Variants in FAM107B observed in about 807,000 individuals in gnomAD.
FAM107B encodes the protein protein FAM107B.
In FAM107B, 21 loss-of-function variants were observed where a neutral mutation model predicts 31.5. The ratio of observed to expected loss-of-function variants is 0.67; its 90% CI spans 0.47 to 0.96. The LOEUF (loss-of-function observed/expected upper bound fraction) is 0.96, where lower values mean the gene tolerates loss of function less well. FAM107B is among the 40% of genes least tolerant of loss of function. FAM107B has a pLI of 0.00. For missense variants in FAM107B, 452 were observed against 377.1 expected (o/e 1.20, Z -1.64); for synonymous variants, 157 against 141.5 (o/e 1.11, Z -0.78).
chr10:14,733,006 A>C (rs1856210654), intron 1 of FAM107B, among the ~76,000 whole-genome samples: 1 of 146,894 alleles, frequency 6.8e-6, no homozygotes, highest in African/African-American at 2.5e-5. Context: ...AATTCTATAG[A>C]ATACACTATA....
chr10:14,690,023 A>AAGGAAGAG (rs1422589399), intron 1 of FAM107B, among the ~76,000 whole-genome samples: 3 of 68,000 alleles, frequency 4.4e-5, no homozygotes, highest in African/African-American at 1.5e-4. Flanking sequence ...GGAAGGAAGG[A>AAGGAAGAG]AGGGAGGGAG....
At chr10:14,682,113 G>A (rs1441232920) in intron 1 of FAM107B, among the ~76,000 whole-genome samples, 2 of 152,132 alleles carry the variant, frequency 1.3e-5, no homozygotes, top group Non-Finnish European at 2.9e-5. Flanking sequence ...CCTCTTTCTG[G>A]AGCACTTGTT....
chr10:14,658,070 C>A (rs960471461), intron 2 of FAM107B, among the ~76,000 whole-genome samples: 3 of 152,184 alleles, frequency 2.0e-5, no homozygotes, highest in Admixed American at 6.5e-5. Context: ...CTTCGGCCCC[C>A]CAAAGTGCTG....
At chr10:14,633,369 T>C (rs1853417361) in intron 2 of FAM107B, among the ~76,000 whole-genome samples, 3 of 152,170 alleles carry the variant, frequency 2.0e-5, no homozygotes, top group African/African-American at 7.2e-5. Context: ...CTCCTGGTTT[T>C]CAAATACCAC....
intron 2 of FAM107B, among the ~76,000 whole-genome samples, chr10:14,542,109 A>ATAC (rs779740876): frequency 6.6e-6 from 1 of 151,590 alleles, no homozygotes; most frequent in Non-Finnish European, 1.5e-5. Flanking sequence ...AATAATAATA[A>ATAC]TAATACAAAA....
intron 1 of FAM107B, among the ~76,000 whole-genome samples, chr10:14,711,283 G>A (rs1855640405): frequency 6.6e-6 from 1 of 152,180 alleles, no homozygotes; most frequent in Non-Finnish European, 1.5e-5. Context: ...ATGCAGTAAT[G>A]TCCTAGGCCT....
rs1845568902 is a variant in FAM107B at position 14,520,955 on chromosome 10, C to G, written c.*235G>C. The stretch of plus-strand genomic sequence containing the variant: ...GTTGGTTCTGTTAAGTCTCTGAACA[C>G]AGGTCCATCATTCCAACTTACGTGC... On this transcript the variant is annotated 3_prime_UTR_variant, in exon 5 of 5. Coordinates refer to ENST00000181796, the MANE Select transcript of FAM107B (RefSeq NM_031453.4). The G allele has an allele frequency of 2.2e-6, 1 of 453,618 alleles. No individual in the cohort carries two copies. The highest frequency in any genetic ancestry group is 4.3e-5 in the South Asian group (1 of 23,000). The allele number at this position is 453,618 out of a possible 1,614,324, so 28.1% of individuals were successfully genotyped here.
At chr10:14,521,802 G>A (rs1032655530) in intron 4 of FAM107B, 67 bp downstream of exon 4, 99 of 1,573,478 alleles carry the variant, frequency 6.3e-5, no homozygotes, top group African/African-American at 9.6e-5. Context: ...AATCCTGCCC[G>A]CTCCAACACT....
chr10:14,544,739 C>T lies in FAM107B; in HGVS notation c.470-14224G>A, dbSNP rs929062183. 4.7e-5 allele frequency among the ~76,000 whole-genome samples: 7 copies of T among 149,822 alleles called. No individual in the cohort carries two copies. In the East Asian group the frequency reaches 8.1e-4, roughly 17 times the overall value. ...TTTATTCCGGCATGGTCTATGATAG[C>T]GGAAAAAATGGAAGCCATTTAAATA... On this transcript the variant is annotated intron_variant, in intron 2 of 4. Transcript: ENST00000181796.
At chr10:14,526,707 AG>A (rs1263756936) in intron 3 of FAM107B, among the ~76,000 whole-genome samples, 1 of 152,258 alleles carries the variant, frequency 6.6e-6, no homozygotes, top group Non-Finnish European at 1.5e-5. Context: ...AGGAACAAGA[AG>A]CCACTGACTT....
intron 2 of FAM107B, among the ~76,000 whole-genome samples, chr10:14,662,484 C>G (rs755739204): frequency 2.2e-4 from 34 of 151,780 alleles, no homozygotes; most frequent in Non-Finnish European, 4.6e-4. Context: ...TCAAGTGATC[C>G]TCCCATATCA....
intron 2 of FAM107B, among the ~76,000 whole-genome samples, chr10:14,661,911 G>C (rs974083966): frequency 1.3e-5 from 2 of 152,164 alleles, no homozygotes; most frequent in Admixed American, 1.3e-4. Flanking sequence ...AGTTCTCTCT[G>C]TCTGTGGCAT....
At chr10:14,745,346 T>G (rs1832703489) in intron 1 of FAM107B, among the ~76,000 whole-genome samples, 1 of 152,194 alleles carries the variant, frequency 6.6e-6, no homozygotes, top group Non-Finnish European at 1.5e-5. Context: ...TTGCTAGTTT[T>G]GGGGTTTGTT....
In FAM107B at chr10:14,606,453, C is replaced by A. The variant is rs118013806; in HGVS notation, c.469+61181G>T. Among the ~76,000 whole-genome samples the A allele has an allele frequency of 4.8e-3, 733 of 152,252 alleles. 16 individuals carry two copies. The highest frequency in any genetic ancestry group is 0.036 in the Admixed American group (553 of 15,292). On this transcript the variant is annotated intron_variant, in intron 2 of 4. Coordinates refer to ENST00000181796, the MANE Select transcript of FAM107B (RefSeq NM_031453.4). ...CTTGACATATATACATATCTTTATA[C>A]CCTCTTGCCTAATGTAATATCTGGC...
chr10:14,751,860 A>G (rs1441194506), intron 1 of FAM107B, among the ~76,000 whole-genome samples: 4 of 151,960 alleles, frequency 2.6e-5, no homozygotes, highest in Non-Finnish European at 5.9e-5. Flanking sequence ...CTGGGCTTCC[A>G]CTTCCGCCTC....
intron 3 of FAM107B, among the ~76,000 whole-genome samples, chr10:14,524,571 C>A (rs997907575): frequency 6.6e-6 from 1 of 152,060 alleles, no homozygotes; most frequent in South Asian, 2.1e-4. Flanking sequence ...TTAATCAGCA[C>A]AATATAAGTT....
chr10:14,753,029 T>C (rs1259527527), intron 1 of FAM107B, among the ~76,000 whole-genome samples: 3 of 152,134 alleles, frequency 2.0e-5, no homozygotes, highest in Non-Finnish European at 2.9e-5. Flanking sequence ...CTAAGTATAA[T>C]TTTAATAAAG....
chr10:14,653,712 T>C (rs1853962249), intron 2 of FAM107B: 1 of 152,210 alleles, frequency 6.6e-6, no homozygotes, highest in Non-Finnish European at 1.5e-5. Context: ...CTAAAAAGTA[T>C]AGTATTAGCC....
chr10:14,568,447 GT>G (rs11289586), intron 2 of FAM107B, among the ~76,000 whole-genome samples: 334 of 20,746 alleles, frequency 0.016, 2 homozygotes, highest in South Asian at 0.03. Flanking sequence ...AGATACTCAG[GT>G]AAGAGGAGGC....
Sources: gnomAD v4.1 joint callset for allele counts (sites outside exome capture counted in the v4.1 genomes callset) on GRCh38, gnomAD v4.1.1 for gene constraint, MANE v1.5 for transcripts, NCBI Gene and HGNC (gene_info 2026-07-23, HGNC 2026-07-21) for gene names.